PTPRD: variants seen among roughly 807,000 people sequenced by gnomAD.
PTPRD encodes receptor-type tyrosine-protein phosphatase delta.
PTPRD carries 34 observed loss-of-function variants against 214.5 expected under a neutral mutation model. The ratio of observed to expected loss-of-function variants is 0.16; its 90% confidence interval spans 0.12 to 0.21. The LOEUF (loss-of-function observed/expected upper bound fraction) is 0.21, where lower values mean the gene tolerates loss of function less well. Ranked by LOEUF, PTPRD falls within the 10% of genes least tolerant of loss-of-function variation. The pLI is 1.00. For synonymous variants in PTPRD, 1,128 were observed against 845.7 expected (o/e 1.33, Z -5.79); for missense variants, 2,545 against 2,398.7 (o/e 1.06, Z -1.27).
intron 9 of PTPRD, among the ~76,000 whole-genome samples, chr9:9,214,131 A>T (rs1046966033): frequency 4.6e-5 from 7 of 152,092 alleles, no homozygotes; most frequent in African/African-American, 1.7e-4. Flanking sequence ...TCTGCCCCCT[A>T]CTAACTAAGG....
At chr9:8,974,436 T>C (rs1444041253) in intron 11 of PTPRD, among the ~76,000 whole-genome samples, 5 of 152,120 alleles carry the variant, frequency 3.3e-5, no homozygotes, top group African/African-American at 9.7e-5. Flanking sequence ...CTGGGATACA[T>C]GTGCAGAACA....
At chr9:10,451,739 T>G (rs1358865482) in intron 2 of PTPRD, among the ~76,000 whole-genome samples, 1 of 151,950 alleles carries the variant, frequency 6.6e-6, no homozygotes, top group Non-Finnish European at 1.5e-5. Context: ...TAAGTATTCA[T>G]GTGTGTTTTT....
At chr9:10,003,887 T>A (rs1181585291) in intron 4 of PTPRD, among the ~76,000 whole-genome samples, 3 of 151,796 alleles carry the variant, frequency 2.0e-5, no homozygotes, top group African/African-American at 7.2e-5. Context: ...CATACCCGAT[T>A]TATTTGCTTA....
At chr9:8,510,242 T>C (rs1036707988) in intron 21 of PTPRD, among the ~76,000 whole-genome samples, 8 of 152,032 alleles carry the variant, frequency 5.3e-5, no homozygotes, top group African/African-American at 1.7e-4. Flanking sequence ...CAGTGAACGA[T>C]GACTGAGCCA....
chr9:9,778,699 T>A (rs2098819063), intron 5 of PTPRD, among the ~76,000 whole-genome samples: 1 of 152,084 alleles, frequency 6.6e-6, no homozygotes, highest in Non-Finnish European at 1.5e-5. Flanking sequence ...TCTACGTTCA[T>A]ACACTCCTGG....
At chr9:8,488,417 T>C (rs1293756902) in intron 27 of PTPRD, among the ~76,000 whole-genome samples, 1 of 152,234 alleles carries the variant, frequency 6.6e-6, no homozygotes, top group Non-Finnish European at 1.5e-5. Flanking sequence ...ACAACATGTG[T>C]GCTGTGTTAT....
chr9:8,357,150 T>G (rs745918469), intron 39 of PTPRD, among the ~76,000 whole-genome samples: 5 of 152,204 alleles, frequency 3.3e-5, no homozygotes, highest in Admixed American at 2.6e-4. Context: ...TGCTGTGGGA[T>G]CACACTGCAA....
intron 30 of PTPRD, among the ~76,000 whole-genome samples, chr9:8,483,512 G>C (rs1444782003): frequency 6.6e-6 from 1 of 152,086 alleles, no homozygotes; most frequent in East Asian, 1.9e-4. Flanking sequence ...TAGCACTTTG[G>C]GAGGCTGAGG....
intron 10 of PTPRD, among the ~76,000 whole-genome samples, chr9:9,029,651 T>A (rs190286785): frequency 1.3e-5 from 2 of 151,922 alleles, no homozygotes; most frequent in Admixed American, 6.6e-5. Context: ...AGAATGATGA[T>A]GGAATTTGAT....
intron 34 of PTPRD, among the ~76,000 whole-genome samples, chr9:8,448,834 G>C (rs558518748): frequency 1.3e-5 from 2 of 152,226 alleles, no homozygotes; most frequent in South Asian, 4.1e-4. Context: ...CATCCATATG[G>C]CACAAAGAAA....
chr9:10,161,729 A>G (rs1165805425), intron 3 of PTPRD, among the ~76,000 whole-genome samples: 1 of 151,822 alleles, frequency 6.6e-6, no homozygotes, highest in Non-Finnish European at 1.5e-5. Flanking sequence ...TTTGCACAAA[A>G]AAGGAAACAG....
intron 2 of PTPRD, among the ~76,000 whole-genome samples, chr9:10,588,064 T>C (rs2074380358): frequency 6.6e-6 from 1 of 152,036 alleles, no homozygotes. Context: ...TTCTAAAGTG[T>C]TACATAAAAA....
At chr9:8,533,972 A>G (rs1279067816) in intron 14 of PTPRD, among the ~76,000 whole-genome samples, 1 of 152,022 alleles carries the variant, frequency 6.6e-6, no homozygotes, top group Non-Finnish European at 1.5e-5. Flanking sequence ...GTCTATTAAG[A>G]GGCAAAGCTA....
chr9:10,410,916 C>T (rs1335745090), intron 2 of PTPRD, among the ~76,000 whole-genome samples: 2 of 151,598 alleles, frequency 1.3e-5, no homozygotes, highest in African/African-American at 4.8e-5. Context: ...CATGAATTAC[C>T]CTCCATGTTA....
chr9:8,756,997 C>T (rs530833327), intron 11 of PTPRD, among the ~76,000 whole-genome samples: 3 of 152,058 alleles, frequency 2.0e-5, no homozygotes, highest in Non-Finnish European at 2.9e-5. Flanking sequence ...AAAAAATTAG[C>T]GGGGTATGGT....
intron 3 of PTPRD, among the ~76,000 whole-genome samples, chr9:10,298,212 T>C (rs1362523137): frequency 1.3e-5 from 2 of 152,164 alleles, no homozygotes; most frequent in African/African-American, 4.8e-5. Flanking sequence ...AATAGGTTTT[T>C]ACCCTGGCAG....
At chr9:9,404,274 A>T (rs1194600762) in intron 8 of PTPRD, among the ~76,000 whole-genome samples, 1 of 152,106 alleles carries the variant, frequency 6.6e-6, no homozygotes, top group African/African-American at 2.4e-5. Context: ...ACTCTGTAGA[A>T]AACTGAAAGC....
intron 11 of PTPRD, among the ~76,000 whole-genome samples, chr9:8,940,280 C>T (rs75763925): frequency 1.4e-3 from 126 of 89,034 alleles, no homozygotes; most frequent in Non-Finnish European, 2.0e-3. Flanking sequence ...TCTCTCTCTC[C>T]TTTTTTTTTT....
At position 10,003,343 on chromosome 9, in the gene PTPRD, C is replaced by G. The variant is rs571196822; in HGVS notation, c.-472+30375G>C. On this transcript the variant is annotated intron_variant, in intron 4 of 45. Coordinates refer to ENST00000381196, the MANE Select transcript of PTPRD (RefSeq NM_002839.4). ...ATTTCATAAATAGATGATGCAGGACCACTGAATAATTTTTAAGCAATAAAA... is the reference window on the plus strand; with the variant it reads ...ATTTCATAAATAGATGATGCAGGACGACTGAATAATTTTTAAGCAATAAAA... Among the ~76,000 whole-genome samples the G allele has an allele frequency of 5.9e-5, 9 of 151,798 alleles. No homozygotes were observed. The South Asian group carries it at 1.7e-3, about 28-fold the overall frequency.
Sources: gnomAD v4.1 joint callset for allele counts (sites outside exome capture counted in the v4.1 genomes callset) on GRCh38, gnomAD v4.1.1 for gene constraint, MANE v1.5 for transcripts, NCBI Gene and HGNC (gene_info 2026-07-23, HGNC 2026-07-21) for gene names.